Variants in PTPRM observed in about 807,000 individuals in gnomAD.
PTPRM encodes receptor-type tyrosine-protein phosphatase mu.
In PTPRM, 47 loss-of-function variants were observed where a neutral mutation model predicts 186.7. That is an observed-to-expected ratio of 0.25 (90% confidence interval 0.20 to 0.32). The LOEUF is 0.32. Ranked by LOEUF, PTPRM falls within the 10% of genes least tolerant of loss-of-function variation. The pLI is 1.00. For synonymous variants in PTPRM, 668 were observed against 674.9 expected, an observed-to-expected ratio of 0.99 and a Z score of 0.16; for missense variants, 1,494 against 1,865.0, an observed-to-expected ratio of 0.80 and a Z score of 3.66.
At chr18:8,193,070 A>G (rs1353946079) in intron 14 of PTPRM, among the ~76,000 whole-genome samples, 2 of 152,230 alleles carry the variant, frequency 1.3e-5, no homozygotes, top group South Asian at 2.1e-4. Context: ...CTTAGTTGTG[A>G]TAACATTATT....
intron 7 of PTPRM, among the ~76,000 whole-genome samples, chr18:7,961,409 C>G (rs944422443): frequency 2.6e-5 from 4 of 152,192 alleles, no homozygotes; most frequent in African/African-American, 7.2e-5. Flanking sequence ...TTCCACGTAG[C>G]ATAATGTTCT....
chr18:8,116,322 A>C (rs1020158632), intron 13 of PTPRM, among the ~76,000 whole-genome samples: 5 of 152,224 alleles, frequency 3.3e-5, no homozygotes, highest in Non-Finnish European at 7.3e-5. Context: ...AAAGTTTTGA[A>C]ATCTCTTTCA....
chr18:8,331,805 T>A (rs1415231982), intron 22 of PTPRM, among the ~76,000 whole-genome samples: 1 of 152,066 alleles, frequency 6.6e-6, no homozygotes, highest in African/African-American at 2.4e-5. Flanking sequence ...TAGACAAACA[T>A]AGGTTGGAAA....
chr18:8,223,110 G>A (rs35715846), intron 14 of PTPRM, among the ~76,000 whole-genome samples: 33,846 of 152,064 alleles, frequency 0.22, 4,580 homozygotes, highest in East Asian at 0.41. Context: ...TGTAGTCTCA[G>A]CTACTCGAGA....
At chr18:7,731,168 GCTCT>G (rs1363022160) in intron 1 of PTPRM, among the ~76,000 whole-genome samples, 1 of 152,140 alleles carries the variant, frequency 6.6e-6, no homozygotes, top group African/African-American at 2.4e-5. Flanking sequence ...TCAAGTTGTT[GCTCT>G]CTGTTTATCA....
At chr18:8,344,448 G>GTGTGTGTGTATATATATATATATATA (rs1360655194) in intron 23 of PTPRM, among the ~76,000 whole-genome samples, 5 of 33,414 alleles carry the variant, frequency 1.5e-4, no homozygotes, top group African/African-American at 3.7e-4. Flanking sequence ...GTGTGTGTGT[G>GTGTGTGTGTATATATATATATATATA]TATATATATA....
intron 1 of PTPRM, among the ~76,000 whole-genome samples, chr18:7,674,033 G>C (rs893164048): frequency 1.3e-5 from 2 of 152,156 alleles, no homozygotes; most frequent in African/African-American, 4.8e-5. Flanking sequence ...GGACCTGAAG[G>C]GGGAGATGGG....
At chr18:8,277,406 G>C (rs1302839615) in intron 19 of PTPRM, among the ~76,000 whole-genome samples, 2 of 152,304 alleles carry the variant, frequency 1.3e-5, no homozygotes, top group African/African-American at 4.8e-5. Context: ...AGTGAGACTT[G>C]AGCACAAATT....
chr18:8,011,955 T>A lies in PTPRM; in HGVS notation c.1132+56541T>A, dbSNP rs111596421. 5.8e-3 allele frequency among the ~76,000 whole-genome samples: 882 copies of A among 152,352 alleles called. 12 individuals are homozygous for A. Among genetic ancestry groups the A allele is most frequent in the African/African-American group, 0.02 (844 of 41,580 alleles). Reference sequence around the variant, plus strand: ...AGAAATAGGTATAAGTTGAAATGTTTCCTTGCACATTTTTTCCTTCTCATA... The same window carrying A: ...AGAAATAGGTATAAGTTGAAATGTTACCTTGCACATTTTTTCCTTCTCATA... On this transcript the variant is annotated intron_variant, in intron 7 of 32. Coordinates refer to ENST00000580170, the MANE Select transcript of PTPRM (RefSeq NM_001105244.2).
intron 4 of PTPRM, among the ~76,000 whole-genome samples, chr18:7,919,972 A>T (rs1369043218): frequency 6.6e-6 from 1 of 151,934 alleles, no homozygotes; most frequent in Admixed American, 6.6e-5. Context: ...TTTGATTTGC[A>T]CCCTATTTTA....
intron 23 of PTPRM, among the ~76,000 whole-genome samples, chr18:8,369,977 T>C (rs75882183): frequency 0.025 from 3,824 of 151,620 alleles, 67 homozygotes; most frequent in African/African-American, 0.051. Context: ...CAAAAACAAA[T>C]AAAAAACATT....
intron 7 of PTPRM, among the ~76,000 whole-genome samples, chr18:7,975,873 A>G (rs1399900447): frequency 2.0e-5 from 3 of 152,264 alleles, no homozygotes; most frequent in Non-Finnish European, 4.4e-5. Flanking sequence ...TGTTTTTCTT[A>G]GAATGTATCT....
intron 1 of PTPRM, among the ~76,000 whole-genome samples, chr18:7,684,594 C>T (rs908161842): frequency 3.9e-5 from 6 of 152,262 alleles, no homozygotes; most frequent in East Asian, 1.9e-4. Context: ...TAGAATCATA[C>T]GCTATTTGTC....
At chr18:7,963,721 C>T (rs1408531712) in intron 7 of PTPRM, among the ~76,000 whole-genome samples, 4 of 152,170 alleles carry the variant, frequency 2.6e-5, no homozygotes, top group African/African-American at 7.2e-5. Flanking sequence ...ATCACAGAAC[C>T]GTTTCAGGCT....
chr18:7,717,770 A>G (rs779590931), intron 1 of PTPRM, among the ~76,000 whole-genome samples: 3 of 152,178 alleles, frequency 2.0e-5, no homozygotes, highest in Non-Finnish European at 4.4e-5. Context: ...TGCCTGTGCT[A>G]AAGCATCTAG....
chr18:8,164,701 G>A (rs765716280), intron 14 of PTPRM, among the ~76,000 whole-genome samples: 11 of 152,180 alleles, frequency 7.2e-5, no homozygotes, highest in South Asian at 4.1e-4. Context: ...TGGGGAAGAA[G>A]GCAATGAGGA....
In PTPRM at chr18:8,040,996, G is replaced by A. The variant is rs879392848; in HGVS notation, c.1133-28690G>A. Among the ~76,000 whole-genome samples, 18 of 152,216 alleles carry A rather than the reference G, an allele frequency of 1.2e-4. 1 individual carries two copies. The highest frequency in any genetic ancestry group is 2.9e-4 in the African/African-American group (12 of 41,544). On this transcript the variant is annotated intron_variant, in intron 7 of 32. Coordinates refer to ENST00000580170, the MANE Select transcript of PTPRM (RefSeq NM_001105244.2). Reference sequence around the variant, plus strand: ...CTTGGGTTCAGTAAAGTCTTGTCTCGCATTCTCCATTTAGCCAACATTGTT... The same window carrying A: ...CTTGGGTTCAGTAAAGTCTTGTCTCACATTCTCCATTTAGCCAACATTGTT...
chr18:7,740,766 C>G (rs2040869721), intron 1 of PTPRM, among the ~76,000 whole-genome samples: 1 of 152,102 alleles, frequency 6.6e-6, no homozygotes, highest in African/African-American at 2.4e-5. Flanking sequence ...TGGGCAGATG[C>G]AAAGTTGTTT....
intron 14 of PTPRM, among the ~76,000 whole-genome samples, chr18:8,153,494 G>T (rs988883937): frequency 1.3e-5 from 2 of 152,042 alleles, no homozygotes; most frequent in Non-Finnish European, 2.9e-5. Context: ...ATCTTAAAAG[G>T]GTTGTCTTCA....
Sources: gnomAD v4.1 joint callset for allele counts (sites outside exome capture counted in the v4.1 genomes callset) on GRCh38, gnomAD v4.1.1 for gene constraint, MANE v1.5 for transcripts, NCBI Gene and HGNC (gene_info 2026-07-23, HGNC 2026-07-21) for gene names.